The following NEURL1 variants were observed in gnomAD, a reference collection of about 807,000 sequenced individuals.
NEURL1 encodes E3 ubiquitin-protein ligase NEURL1.
NEURL1 carries 26 observed loss-of-function variants against 41.2 expected under a neutral mutation model. The observed-to-expected ratio is 0.63, with a 90% CI of 0.46 to 0.87. The LOEUF (loss-of-function observed/expected upper bound fraction) is 0.87. Among genes scored for constraint, NEURL1 ranks in the 40% least tolerant of loss-of-function variants. The probability of loss-of-function intolerance (pLI) is 0.00; values close to 1 mark genes in which losing one functional copy is unlikely to be tolerated. For synonymous variants in NEURL1, 400 were observed against 402.3 expected (o/e 0.99, Z 0.07); for missense variants, 761 against 871.1 (o/e 0.87, Z 1.59).
At chr10:103,586,315 C>T (rs764018376) in intron 4 of NEURL1, among the ~76,000 whole-genome samples, 10 of 152,002 alleles carry the variant, frequency 6.6e-5, no homozygotes, top group African/African-American at 9.7e-5. Flanking sequence ...TTCCAAGTGC[C>T]GGTCTTTGAA....
intron 1 of NEURL1, among the ~76,000 whole-genome samples, chr10:103,525,784 T>C (rs1377549711): frequency 6.6e-6 from 1 of 152,194 alleles, no homozygotes; most frequent in Non-Finnish European, 1.5e-5. Context: ...ACTACTGTGG[T>C]GAATAAAAGT....
intron 1 of NEURL1, among the ~76,000 whole-genome samples, chr10:103,550,365 G>A (rs951705349): frequency 6.6e-6 from 1 of 152,204 alleles, no homozygotes; most frequent in African/African-American, 2.4e-5. Context: ...GGGGCCTAAG[G>A]TTCCCTAGAT....
At chr10:103,521,964 A>T (rs1321645048) in intron 1 of NEURL1, among the ~76,000 whole-genome samples, 3 of 151,924 alleles carry the variant, frequency 2.0e-5, no homozygotes, top group African/African-American at 4.8e-5. Context: ...GGGCCGTTTT[A>T]TAGGATTTGG....
chr10:103,515,108 A>T (rs765964264), intron 1 of NEURL1, among the ~76,000 whole-genome samples: 1 of 151,894 alleles, frequency 6.6e-6, no homozygotes, highest in Non-Finnish European at 1.5e-5. Context: ...GGCACCTGTA[A>T]TCCCAGCTAT....
At chr10:103,562,314 C>T (rs1200549764) in intron 1 of NEURL1, among the ~76,000 whole-genome samples, 2 of 152,150 alleles carry the variant, frequency 1.3e-5, no homozygotes, top group South Asian at 2.1e-4. Flanking sequence ...ACCTGGGAGG[C>T]GGAGGTTGCA....
Position 103,584,690 on chromosome 10 carries a change from C to G in NEURL1, c.804C>G (p.Ala268=), listed in dbSNP as rs1242504884. ...CGGACGGCGACGAGGCCGCGCCGGC[C>G]GCCGGCTGCCCCATCCCGCAGAACT... The part of the protein sequence containing the change: ...PGADGDEAAP[A]AGCPIPQNSL... The change falls in exon 4 of 6, where the codon GCC becomes GCG. Residue 268 remains alanine, a synonymous_variant. Transcript: ENST00000369780. The G allele has an allele frequency of 7.0e-7, 1 of 1,434,994 alleles. No individual in the cohort carries two copies. Among genetic ancestry groups the G allele is most frequent in the Non-Finnish European group, 9.1e-7 (1 of 1,100,208 alleles). 88.9% of individuals were successfully genotyped at this position (1,434,994 alleles called of 1,614,324 possible).
chr10:103,569,944 CA>C (rs2035502832), intron 1 of NEURL1, among the ~76,000 whole-genome samples: 1 of 152,210 alleles, frequency 6.6e-6, no homozygotes, highest in African/African-American at 2.4e-5. Context: ...AAAGCCAACA[CA>C]GAGGGCTGGG....
chr10:103,520,250 G>A (rs577055317), intron 1 of NEURL1, among the ~76,000 whole-genome samples: 1 of 152,224 alleles, frequency 6.6e-6, no homozygotes, highest in Non-Finnish European at 1.5e-5. Context: ...CAGGCTTTGT[G>A]TGAGCAATAA....
chr10:103,502,164 T>C (rs544647466), intron 1 of NEURL1, among the ~76,000 whole-genome samples: 1 of 152,362 alleles, frequency 6.6e-6, no homozygotes, highest in African/African-American at 2.4e-5. Flanking sequence ...GGCTGGGATC[T>C]CTACTCAGGA....
intron 1 of NEURL1, among the ~76,000 whole-genome samples, chr10:103,522,542 C>T (rs1042103855): frequency 2.1e-5 from 3 of 141,300 alleles, no homozygotes; most frequent in Admixed American, 7.7e-5. Flanking sequence ...GTGGAGGTTG[C>T]GGTGAGCCAA....
At chr10:103,590,078 A>C in intron 5 of NEURL1, 56 bp from the exon 6 acceptor site, 2 of 1,548,962 alleles carry the variant, frequency 1.3e-6, no homozygotes, top group South Asian at 2.2e-5. Flanking sequence ...TCTTCCCGTG[A>C]ATCCAGCGCC....
chr10:103,533,831 C>A (rs138301912), intron 1 of NEURL1, among the ~76,000 whole-genome samples: 6 of 151,592 alleles, frequency 4.0e-5, no homozygotes, highest in Middle Eastern at 3.4e-3. Flanking sequence ...CCACCGCTCC[C>A]GGCCTAATTT....
intron 1 of NEURL1, among the ~76,000 whole-genome samples, chr10:103,528,043 A>T (rs2034496982): frequency 6.6e-6 from 1 of 152,046 alleles, no homozygotes; most frequent in Non-Finnish European, 1.5e-5. Context: ...AACATGGTGA[A>T]ACCCTGTCAC....
chr10:103,495,326 T>C (rs150092959), intron 1 of NEURL1, among the ~76,000 whole-genome samples: 71 of 152,340 alleles, frequency 4.7e-4, no homozygotes, highest in African/African-American at 1.5e-3. Flanking sequence ...GTCCTGGGCA[T>C]GATGGCTAAA....
chr10:103,540,048 T>G (rs2034786033), intron 1 of NEURL1, among the ~76,000 whole-genome samples: 1 of 152,224 alleles, frequency 6.6e-6, no homozygotes, highest in South Asian at 2.1e-4. Flanking sequence ...ACTAGCTATG[T>G]CTGTGTACCT....
intron 3 of NEURL1, among the ~76,000 whole-genome samples, chr10:103,573,626 C>T (rs1338149377): frequency 1.3e-5 from 2 of 152,162 alleles, no homozygotes; most frequent in Admixed American, 6.5e-5. Context: ...CTGACCACTT[C>T]TGCCTGAGCC....
At chr10:103,534,728 G>A (rs1214880940) in intron 1 of NEURL1, among the ~76,000 whole-genome samples, 1 of 152,176 alleles carries the variant, frequency 6.6e-6, no homozygotes, top group African/African-American at 2.4e-5. Flanking sequence ...CAGCAGCCCT[G>A]AGTTCCAGGT....
At chr10:103,548,708 C>T (rs926112333) in intron 1 of NEURL1, among the ~76,000 whole-genome samples, 5 of 152,226 alleles carry the variant, frequency 3.3e-5, no homozygotes, top group Admixed American at 6.5e-5. Context: ...TCCAGTTCTA[C>T]GTGGATTCCC....
intron 1 of NEURL1, chr10:103,515,213 G>T (rs1348626826): frequency 8.5e-6 from 1 of 117,440 alleles, no homozygotes; most frequent in African/African-American, 3.5e-5. Context: ...GGGCGACAGA[G>T]CAAGACTCTG....
Sources: allele counts gnomAD v4.1 joint callset (sites outside exome capture counted in the v4.1 genomes callset), GRCh38; gene constraint gnomAD v4.1.1; transcripts MANE v1.5; gene names NCBI Gene and HGNC (gene_info 2026-07-23, HGNC 2026-07-21).